SHTN1: variants seen among roughly 807,000 people sequenced by gnomAD.
SHTN1 encodes shootin-1.
In SHTN1, 42 loss-of-function variants were observed where a neutral mutation model predicts 83.1. The ratio of observed to expected loss-of-function variants is 0.51; its 90% confidence interval spans 0.39 to 0.65. The LOEUF is 0.65. SHTN1 is among the 30% of genes least tolerant of loss of function. SHTN1 has a pLI of 0.00. For synonymous variants in SHTN1, 224 were observed against 247.7 expected (o/e 0.90, Z 0.90); for missense variants, 622 against 737.8 (o/e 0.84, Z 1.82).
intron 2 of SHTN1, among the ~76,000 whole-genome samples, chr10:117,031,347 T>C (rs1852410865): frequency 6.6e-6 from 1 of 152,098 alleles, no homozygotes; most frequent in African/African-American, 2.4e-5. Flanking sequence ...CTACAAGAAA[T>C]TCTAAAGGGA....
chr10:116,900,299 A>G, intron 16 of SHTN1: 1 of 541,752 alleles, frequency 1.8e-6, no homozygotes, highest in Non-Finnish European at 3.3e-6. Flanking sequence ...GTGTCTCTTA[A>G]GCAGTCATTG....
intron 1 of SHTN1, among the ~76,000 whole-genome samples, chr10:117,094,026 G>A (rs565053120): frequency 6.6e-6 from 1 of 152,082 alleles, no homozygotes; most frequent in Non-Finnish European, 1.5e-5. Flanking sequence ...ACTCAATGTG[G>A]AACTCAGGAT....
At chr10:116,946,312 A>G (rs1849574783) in intron 7 of SHTN1, among the ~76,000 whole-genome samples, 1 of 148,108 alleles carries the variant, frequency 6.8e-6, no homozygotes, top group East Asian at 2.0e-4. Flanking sequence ...CTGGATTGTA[A>G]AGGTTGAGAT....
chr10:117,001,497 G>T (rs1851820961), intron 1 of SHTN1, among the ~76,000 whole-genome samples: 1 of 152,106 alleles, frequency 6.6e-6, no homozygotes, highest in African/African-American at 2.4e-5. Context: ...GTTAGGGAAG[G>T]CTGCTGTCAG....
chr10:117,082,387 T>G (rs1853283375), intron 1 of SHTN1, among the ~76,000 whole-genome samples: 1 of 149,242 alleles, frequency 6.7e-6, no homozygotes, highest in Non-Finnish European at 1.5e-5. Context: ...TTGATTGCGC[T>G]GTGGTCTGAG....
chr10:116,942,041 G>A (rs536499876), intron 8 of SHTN1, among the ~76,000 whole-genome samples: 2 of 152,232 alleles, frequency 1.3e-5, no homozygotes, highest in African/African-American at 4.8e-5. Context: ...AGAGTGAGAG[G>A]TATAGAGACT....
At chr10:117,005,615 G>T, upstream of SHTN1, 2 of 987,256 alleles carry the variant, frequency 2.0e-6, no homozygotes, top group Non-Finnish European at 2.4e-6. Flanking sequence ...TAGTTTTCCC[G>T]CAGTAGACTC....
chr10:117,115,883 G>A (rs949233935), intron 1 of SHTN1, among the ~76,000 whole-genome samples: 1 of 152,118 alleles, frequency 6.6e-6, no homozygotes, highest in Non-Finnish European at 1.5e-5. Context: ...GAAAGTCTAG[G>A]AGTACATTCT....
At chr10:116,929,789 C>G (rs1017122841) in intron 10 of SHTN1, 60 bp downstream of exon 10, 4 of 1,172,798 alleles carry the variant, frequency 3.4e-6, no homozygotes, top group African/African-American at 1.6e-5. Flanking sequence ...AGGTTTTGTA[C>G]TAGGCATGAG....
chr10:116,911,537 C>A, intron 14 of SHTN1: 1 of 1,550,536 alleles, frequency 6.4e-7, no homozygotes, highest in South Asian at 1.2e-5. Flanking sequence ...GATTGGAGGG[C>A]AAGAACAGGA....
At chr10:116,977,176 T>C (rs966573972) in intron 2 of SHTN1, among the ~76,000 whole-genome samples, 3 of 152,246 alleles carry the variant, frequency 2.0e-5, no homozygotes, top group African/African-American at 7.2e-5. Context: ...AGGGCACTGC[T>C]AGGTCTACAT....
Position 117,089,277 on chromosome 10 carries a change from A to G in SHTN1, c.-189+37030T>C, listed in dbSNP as rs3981234. On this transcript the variant is annotated intron_variant, in intron 1 of 17. Transcript: ENST00000392901. ...CATTTTTCAAAAGGCTTGAAACAGT[A>G]CACTTAAAACAACCTTTATGTAAGT... Among the ~76,000 whole-genome samples, 314 of 152,338 alleles carry G rather than the reference A, an allele frequency of 2.1e-3. 3 individuals are homozygous for G. Among genetic ancestry groups the G allele is most frequent in the African/African-American group, 7.2e-3 (299 of 41,566 alleles).
At chr10:116,960,059 C>A in intron 4 of SHTN1, 77 bp downstream of exon 4, 5 of 827,138 alleles carry the variant, frequency 6.0e-6, no homozygotes, top group South Asian at 6.0e-5. Context: ...AAAAGCAAAA[C>A]CAGATAGAAG....
intron 16 of SHTN1, among the ~76,000 whole-genome samples, chr10:116,890,261 G>T (rs1345146240): frequency 2.6e-5 from 4 of 152,180 alleles, no homozygotes; most frequent in Admixed American, 2.6e-4. Flanking sequence ...CCTGTCTCCT[G>T]CATGCCACAA....
chr10:117,084,160 C>G (rs1016056816), intron 1 of SHTN1, among the ~76,000 whole-genome samples: 38 of 152,042 alleles, frequency 2.5e-4, no homozygotes, highest in Admixed American at 4.6e-4. Flanking sequence ...TCTGTTTTTT[C>G]CCCATCTTTG....
intron 16 of SHTN1, 131 bp downstream of exon 16, chr10:116,901,634 A>G (rs1847740358): frequency 7.4e-7 from 1 of 1,354,038 alleles, no homozygotes; most frequent in Non-Finnish European, 9.4e-7. Flanking sequence ...TGGCCCATCA[A>G]ATGAAAAGAA....
intron 2 of SHTN1, among the ~76,000 whole-genome samples, chr10:117,020,575 G>A (rs1047611382): frequency 1.3e-5 from 2 of 149,122 alleles, no homozygotes; most frequent in Non-Finnish European, 3.0e-5. Context: ...GGAGAAGAAA[G>A]TCATTTCAAC....
chr10:117,088,934 G>A (rs1464164523), intron 1 of SHTN1, among the ~76,000 whole-genome samples: 3 of 152,156 alleles, frequency 2.0e-5, no homozygotes, highest in Non-Finnish European at 4.4e-5. Context: ...GACCATGAAC[G>A]TGTTAAGTAT....
At chr10:116,978,481 T>A (rs1850889455) in intron 2 of SHTN1, among the ~76,000 whole-genome samples, 1 of 152,058 alleles carries the variant, frequency 6.6e-6, no homozygotes, top group Admixed American at 6.6e-5. Context: ...AAATTTTTTT[T>A]ATATCTAAAA....
Sources: gnomAD v4.1 joint callset for allele counts (sites outside exome capture counted in the v4.1 genomes callset) on GRCh38, gnomAD v4.1.1 for gene constraint, MANE v1.5 for transcripts, NCBI Gene and HGNC (gene_info 2026-07-23, HGNC 2026-07-21) for gene names.